Variants in CTNNA3 observed in about 807,000 individuals in gnomAD.
The protein encoded by CTNNA3 is catenin alpha 3.
Under a neutral mutation model 95.7 loss-of-function variants are expected in CTNNA3, and 76 were observed. That is an observed-to-expected ratio of 0.79 (90% CI 0.66 to 0.96). The LOEUF (loss-of-function observed/expected upper bound fraction) is 0.96. Among genes scored for constraint, CTNNA3 ranks in the 40% least tolerant of loss-of-function variants. CTNNA3 has a pLI of 0.00. For synonymous variants in CTNNA3, 431 were observed against 374.4 expected (o/e 1.15, Z -1.74); for missense variants, 1,191 against 1,089.8 (o/e 1.09, Z -1.31).
At chr10:67,714,725 C>G (rs555263203) in intron 1 of CTNNA3, among the ~76,000 whole-genome samples, 4 of 152,172 alleles carry the variant, frequency 2.6e-5, no homozygotes, top group Admixed American at 2.6e-4. Context: ...TGACTGTGTC[C>G]CCACCCAAAT....
chr10:66,430,996 A>T (rs534829126), intron 11 of CTNNA3, among the ~76,000 whole-genome samples: 3 of 151,918 alleles, frequency 2.0e-5, no homozygotes, highest in Non-Finnish European at 4.4e-5. Flanking sequence ...ATTTTTGCAA[A>T]CTACTCATCT....
chr10:67,597,593 C>T (rs897973788), intron 3 of CTNNA3, among the ~76,000 whole-genome samples: 3 of 152,158 alleles, frequency 2.0e-5, no homozygotes, highest in Admixed American at 6.5e-5. Flanking sequence ...ACCAAGCCCA[C>T]AGCTTTGTTC....
chr10:66,953,862 C>A (rs74423589), intron 7 of CTNNA3, among the ~76,000 whole-genome samples: 2,895 of 152,164 alleles, frequency 0.019, 83 homozygotes, highest in African/African-American at 0.066. Flanking sequence ...ACCAGAAGAG[C>A]TATGTGACCT....
In CTNNA3 at chr10:66,053,825, A is replaced by G. The variant is rs184599747; in HGVS notation, c.2159+15483T>C. Among the ~76,000 whole-genome samples, 4 of 152,218 alleles carry G rather than the reference A, an allele frequency of 2.6e-5. No individual in the cohort carries two copies. The East Asian group carries it at 7.7e-4, about 29-fold the overall frequency. On this transcript the variant is annotated intron_variant, in intron 15 of 17. Coordinates refer to ENST00000433211, the MANE Select transcript of CTNNA3 (RefSeq NM_013266.4). Reference sequence around the variant, plus strand: ...TGTACAATAAATTATTGTTTACTATAGTTTCCCTATTGTGCTACCAAATGC... The same window carrying G: ...TGTACAATAAATTATTGTTTACTATGGTTTCCCTATTGTGCTACCAAATGC...
intron 5 of CTNNA3, among the ~76,000 whole-genome samples, chr10:67,278,176 C>T (rs1298724799): frequency 6.6e-6 from 1 of 152,084 alleles, no homozygotes; most frequent in African/African-American, 2.4e-5. Flanking sequence ...AAGATTTTTA[C>T]AGTAATTTGT....
intron 13 of CTNNA3, among the ~76,000 whole-genome samples, chr10:66,263,644 A>G (rs1242245768): frequency 6.6e-6 from 1 of 151,960 alleles, no homozygotes; most frequent in Admixed American, 6.6e-5. Context: ...CCCTGTCCCA[A>G]ATCCTCTCAT....
chr10:67,046,380 C>T (rs1232313898), intron 7 of CTNNA3, among the ~76,000 whole-genome samples: 1 of 152,134 alleles, frequency 6.6e-6, no homozygotes, highest in Non-Finnish European at 1.5e-5. Context: ...TTTGATCACT[C>T]AGTTATCTCT....
intron 13 of CTNNA3, among the ~76,000 whole-genome samples, chr10:66,126,879 A>G (rs2082850442): frequency 6.6e-6 from 1 of 152,172 alleles, no homozygotes; most frequent in Non-Finnish European, 1.5e-5. Context: ...AAATAATTCC[A>G]AAGTATTATA....
At chr10:66,357,863 A>T (rs2092623237) in intron 12 of CTNNA3, among the ~76,000 whole-genome samples, 1 of 152,078 alleles carries the variant, frequency 6.6e-6, no homozygotes. Context: ...TTGTTTAAAA[A>T]CAGTCTGACC....
intron 11 of CTNNA3, among the ~76,000 whole-genome samples, chr10:66,393,445 T>A (rs1201080485): frequency 6.6e-6 from 1 of 152,214 alleles, no homozygotes; most frequent in East Asian, 1.9e-4. Context: ...CTACATTCAG[T>A]GTCAAGTCCA....
chr10:66,680,919 G>T (rs535480056), intron 9 of CTNNA3, among the ~76,000 whole-genome samples: 1 of 152,242 alleles, frequency 6.6e-6, no homozygotes, highest in South Asian at 2.1e-4. Context: ...GTAGACAGGA[G>T]AGCATTGAAG....
intron 5 of CTNNA3, among the ~76,000 whole-genome samples, chr10:67,275,059 C>G (rs554919015): frequency 6.6e-6 from 1 of 152,240 alleles, no homozygotes; most frequent in South Asian, 2.1e-4. Flanking sequence ...TTCTGACCAT[C>G]ATGATAATAC....
At chr10:67,293,529 T>C (rs913377638) in intron 5 of CTNNA3, among the ~76,000 whole-genome samples, 5 of 152,214 alleles carry the variant, frequency 3.3e-5, no homozygotes, top group Admixed American at 3.3e-4. Context: ...TTATTTTTTT[T>C]ATTATACTTT....
chr10:66,724,207 A>T (rs183411996), intron 9 of CTNNA3, among the ~76,000 whole-genome samples: 110 of 152,292 alleles, frequency 7.2e-4, no homozygotes, highest in African/African-American at 2.6e-3. Flanking sequence ...AGAGAAATTT[A>T]GTTAGCTCAT....
intron 14 of CTNNA3, among the ~76,000 whole-genome samples, chr10:66,088,612 T>G (rs964389373): frequency 1.3e-5 from 2 of 148,506 alleles, no homozygotes; most frequent in African/African-American, 4.9e-5. Context: ...GAATGCACTT[T>G]TATAAAGGTT....
chr10:67,757,864 C>A (rs1841442144), intron 1 of CTNNA3, among the ~76,000 whole-genome samples: 1 of 152,144 alleles, frequency 6.6e-6, no homozygotes, highest in South Asian at 2.1e-4. Flanking sequence ...TACGTCTATC[C>A]TATTAGTTCT....
chr10:66,342,609 G>A (rs1327005331), intron 12 of CTNNA3, among the ~76,000 whole-genome samples: 2 of 151,946 alleles, frequency 1.3e-5, no homozygotes, highest in Non-Finnish European at 2.9e-5. Flanking sequence ...CAATAAAGGA[G>A]AGCTTCTCTT....
intron 5 of CTNNA3, among the ~76,000 whole-genome samples, chr10:67,325,360 G>A (rs1417826514): frequency 6.6e-6 from 1 of 152,140 alleles, no homozygotes; most frequent in African/African-American, 2.4e-5. Flanking sequence ...ACTTTTTGAT[G>A]TGGGCATTTA....
intron 4 of CTNNA3, among the ~76,000 whole-genome samples, chr10:67,531,017 T>C (rs1840308268): frequency 6.6e-6 from 1 of 152,208 alleles, no homozygotes; most frequent in African/African-American, 2.4e-5. Flanking sequence ...AAGTCAAAAA[T>C]TGAGGTTTGG....
Sources: gnomAD v4.1 joint callset for allele counts (sites outside exome capture counted in the v4.1 genomes callset) on GRCh38, gnomAD v4.1.1 for gene constraint, MANE v1.5 for transcripts, NCBI Gene and HGNC (gene_info 2026-07-23, HGNC 2026-07-21) for gene names.